Variants in KLHL14 observed in about 807,000 individuals in gnomAD.
KLHL14 encodes the protein kelch like family member 14, also known as kelch-like protein 14.
In KLHL14, 22 loss-of-function variants were observed where a neutral mutation model predicts 64.3. The observed-to-expected ratio is 0.34, with a 90% CI of 0.24 to 0.49. KLHL14 has a LOEUF of 0.49. Ranked by LOEUF, KLHL14 falls within the 20% of genes least tolerant of loss-of-function variation. The probability of loss-of-function intolerance (pLI) is 0.99; values close to 1 mark genes in which losing one functional copy is unlikely to be tolerated. For missense variants in KLHL14, 661 were observed against 789.0 expected (o/e 0.84, Z 1.94); for synonymous variants, 322 against 333.4 (o/e 0.97, Z 0.37).
intron 3 of KLHL14, among the ~76,000 whole-genome samples, chr18:32,716,735 TTG>T (rs2144505473): frequency 6.6e-6 from 1 of 152,340 alleles, no homozygotes; most frequent in South Asian, 2.1e-4. Context: ...TGCTTCACTT[TTG>T]GCAATCAATT....
intron 3 of KLHL14, among the ~76,000 whole-genome samples, chr18:32,699,058 C>T (rs1220290218): frequency 6.6e-6 from 1 of 152,062 alleles, no homozygotes; most frequent in Non-Finnish European, 1.5e-5. Flanking sequence ...ACTTATGTAC[C>T]TGCTAATTGT....
In KLHL14 at chr18:32,677,266, T is replaced by C. The variant is rs2049816116; in HGVS notation, c.1653A>G (p.Ile551Met). 1.2e-6 allele frequency: 2 copies of C among 1,613,476 alleles called. No individual in the cohort carries two copies. Among genetic ancestry groups the C allele is most frequent in the East Asian group, 2.2e-5 (1 of 44,860 alleles). ...GACCCTCCAAAATGGGAGTTTGGAG[T>C]ATATTCCACTGGTCACCTTTTGGGT... ...CYDPKGDQWN[I>M]LQTPILEGRS... The change falls in exon 8 of 9, where the codon ATA (isoleucine) becomes ATG (methionine). Residue 551 changes from isoleucine to methionine, a missense_variant. Ile to Met is a conservative substitution (Grantham distance 10). Transcript: ENST00000359358.
chr18:32,700,107 A>C (rs999973813), intron 3 of KLHL14, among the ~76,000 whole-genome samples: 2 of 152,140 alleles, frequency 1.3e-5, no homozygotes, highest in Non-Finnish European at 1.5e-5. Context: ...TTTTACATCT[A>C]AGGAATGTAA....
intron 2 of KLHL14, among the ~76,000 whole-genome samples, chr18:32,768,884 C>A (rs1384728045): frequency 6.6e-6 from 1 of 152,172 alleles, no homozygotes; most frequent in Non-Finnish European, 1.5e-5. Context: ...GAGCTAGAAG[C>A]CTCTCCACTC....
At chr18:32,760,720 A>C (rs993845895) in intron 2 of KLHL14, among the ~76,000 whole-genome samples, 10 of 152,242 alleles carry the variant, frequency 6.6e-5, no homozygotes, top group Admixed American at 2.0e-4. Context: ...GGAGCAGCAG[A>C]AAAGAAAGCC....
intron 3 of KLHL14, among the ~76,000 whole-genome samples, chr18:32,736,278 G>A (rs367718847): frequency 1.3e-5 from 2 of 152,208 alleles, no homozygotes; most frequent in South Asian, 4.1e-4. Context: ...ACTGGTGCAT[G>A]AATACACAGT....
At position 32,745,751 on chromosome 18, in the gene KLHL14, T is replaced by A. The variant is rs1048530596; in HGVS notation, c.948-3702A>T. Among the ~76,000 whole-genome samples, 3 of 152,344 alleles carry A rather than the reference T, an allele frequency of 2.0e-5. No individual in the cohort carries two copies. The East Asian group carries it at 5.8e-4, about 29-fold the overall frequency. Reference sequence around the variant, plus strand: ...TTTTTACAATGTGCAATTATAATAGTGACAATGACAATAACGACAGTTAAT... The same window carrying A: ...TTTTTACAATGTGCAATTATAATAGAGACAATGACAATAACGACAGTTAAT... On this transcript the variant is annotated intron_variant, in intron 2 of 8. Transcript: ENST00000359358.
rs1013606285 is a variant in KLHL14, at chr18:32,688,781, A to C, written c.1160-1548T>G. On this transcript the variant is annotated intron_variant, in intron 4 of 8. Transcript: ENST00000359358. ...CTGGAGAGTTTTGAGCAAGTGAAAA[A>C]CAGTCCAATCTATCATGCTGGCTGC... 7.2e-5 allele frequency among the ~76,000 whole-genome samples: 11 copies of C among 152,172 alleles called. No homozygotes were observed. The East Asian group carries it at 9.6e-4, about 13-fold the overall frequency.
At chr18:32,765,731 G>C (rs189150435) in intron 2 of KLHL14, among the ~76,000 whole-genome samples, 51 of 152,142 alleles carry the variant, frequency 3.4e-4, no homozygotes, top group African/African-American at 1.1e-3. Flanking sequence ...CCAAAACCAG[G>C]AATCAAAACT....
Position 32,683,505 on chromosome 18 carries a change from G to A in KLHL14, c.1239-2906C>T, listed in dbSNP as rs115680750. Reference sequence around the variant, plus strand: ...TTGACAATGCTCCCTGCCCCTCTTCGCCACATGAAGAACATATAAGGTTCA... The same window carrying A: ...TTGACAATGCTCCCTGCCCCTCTTCACCACATGAAGAACATATAAGGTTCA... On this transcript the variant is annotated intron_variant, in intron 5 of 8. Coordinates refer to ENST00000359358, the MANE Select transcript of KLHL14 (RefSeq NM_020805.3). This position sits in a 1 kb window ranked among gnomAD's most constrained non-coding sequence, Gnocchi z 4.2. Among the ~76,000 whole-genome samples the A allele has an allele frequency of 1.8e-4, 28 of 152,120 alleles. No homozygotes were observed. The highest frequency in any genetic ancestry group is 5.5e-4 in the African/African-American group (23 of 41,520).
At position 32,684,819 on chromosome 18, in the gene KLHL14, A is replaced by G. The variant is rs111342687; in HGVS notation, c.1238+2336T>C. On this transcript the variant is annotated intron_variant, in intron 5 of 8. Transcript: ENST00000359358. The stretch of plus-strand genomic sequence containing the variant: ...ATTCTTTTTCCTCCTTTTTTAAACC[A>G]CCAATTAATCTACACTGGTAACTGA... Among the ~76,000 whole-genome samples the G allele has an allele frequency of 5.9e-3, 895 of 152,022 alleles. 11 individuals are homozygous for G. Among genetic ancestry groups the G allele is most frequent in the African/African-American group, 0.021 (861 of 41,460 alleles).
Position 32,677,357 on chromosome 18 carries a change from C to A in KLHL14, c.1589-27G>T, listed in dbSNP as rs778207998. 3.8e-6 allele frequency: 6 copies of A among 1,588,818 alleles called. No individual in the cohort carries two copies. In the East Asian group the frequency reaches 1.4e-4, roughly 36 times the overall value. ...TAAGTGACAGAACAAAGTGGAACAA[C>A]AAAATGATAAATGCTCAGGGTCCCA... On this transcript the variant is annotated intron_variant, in intron 7 of 8. Coordinates refer to ENST00000359358, the MANE Select transcript of KLHL14 (RefSeq NM_020805.3).
chr18:32,692,428 C>T (rs138572940), intron 4 of KLHL14, among the ~76,000 whole-genome samples: 572 of 152,254 alleles, frequency 3.8e-3, no homozygotes, highest in Middle Eastern at 0.014. Flanking sequence ...TTTCTCCCTG[C>T]CAGCAATGAT....
At chr18:32,729,133 C>T (rs191359007) in intron 3 of KLHL14, among the ~76,000 whole-genome samples, 171 of 152,218 alleles carry the variant, frequency 1.1e-3, no homozygotes, top group African/African-American at 2.2e-3. Flanking sequence ...GATGAAATCT[C>T]AGTACCTAGA....
At chr18:32,754,418 C>G (rs1443465978) in intron 2 of KLHL14, among the ~76,000 whole-genome samples, 1 of 152,078 alleles carries the variant, frequency 6.6e-6, no homozygotes, top group African/African-American at 2.4e-5. Context: ...CAGAAAGACA[C>G]CAAGGTCACA....
chr18:32,765,637 GC>G (rs1265727717), intron 2 of KLHL14, among the ~76,000 whole-genome samples: 1 of 152,204 alleles, frequency 6.6e-6, no homozygotes, highest in South Asian at 2.1e-4. Context: ...AGTTTAGTTT[GC>G]TTTGTTAAGG....
chr18:32,682,121 CTAA>C (rs1402724746), intron 5 of KLHL14, among the ~76,000 whole-genome samples: 5 of 151,990 alleles, frequency 3.3e-5, no homozygotes, highest in African/African-American at 9.7e-5. Flanking sequence ...TAAACATTTC[CTAA>C]TAATGTTTAA....
intron 2 of KLHL14, among the ~76,000 whole-genome samples, chr18:32,748,423 G>A (rs895937468): frequency 1.3e-5 from 2 of 151,548 alleles, no homozygotes; most frequent in African/African-American, 4.9e-5. Context: ...AGGCTGGAGC[G>A]CAGTGGCGCC....
At chr18:32,703,466 A>G (rs1013269399) in intron 3 of KLHL14, among the ~76,000 whole-genome samples, 7 of 152,204 alleles carry the variant, frequency 4.6e-5, no homozygotes, top group Non-Finnish European at 1.0e-4. Flanking sequence ...TCACCCATGC[A>G]ACACATATGT....
Sources: allele counts gnomAD v4.1 joint callset (sites outside exome capture counted in the v4.1 genomes callset), GRCh38; gene constraint gnomAD v4.1.1; non-coding constraint Gnocchi (gnomAD v3.1); transcripts MANE v1.5; gene names NCBI Gene and HGNC (gene_info 2026-07-23, HGNC 2026-07-21).